POTEE: variants seen among roughly 807,000 people sequenced by gnomAD.
POTEE encodes ANKRD26-like family C member 1A.
Under a neutral mutation model 74.2 loss-of-function variants are expected in POTEE, and 21 were observed. The ratio of observed to expected loss-of-function variants is 0.28; its 90% confidence interval spans 0.20 to 0.41. The LOEUF is 0.41. POTEE is among the 10% of genes least tolerant of loss of function. The pLI is 1.00. For missense variants in POTEE, 525 were observed against 1,158.6 expected (o/e 0.45, Z 7.94); for synonymous variants, 211 against 432.8 (o/e 0.49, Z 6.36).
At chr2:131,230,704 T>C (rs1700925885) in intron 8 of POTEE, 132 bp from the exon 9 acceptor site, 1 of 833,018 alleles carries the variant, frequency 1.2e-6, no homozygotes, top group Non-Finnish European at 1.9e-6. Flanking sequence ...TATTCATAAG[T>C]GGATGGGATA....
chr2:131,224,233 T>G (rs1339962198), intron 6 of POTEE, among the ~76,000 whole-genome samples, 190 bp downstream of exon 6: 1 of 151,542 alleles, frequency 6.6e-6, no homozygotes, highest in Non-Finnish European at 1.5e-5. Context: ...AGGGTACAGT[T>G]TTTTTTTTTT....
rs1189719150 is a variant in POTEE at position 131,209,763 on chromosome 2, T to G, written c.-401T>G. On this transcript the variant is annotated 5_prime_UTR_variant, in exon 1 of 18. Coordinates refer to ENST00000683005, the MANE Select transcript of POTEE (RefSeq NM_001083538.3). ...CCCCTGGGGCTCGCCTTGCTGTGTT[T>G]GGTGGTGACGTGGGACACTGCAGCT... 1.3e-5 allele frequency among the ~76,000 whole-genome samples: 2 copies of G among 152,146 alleles called. No homozygotes were observed. Among genetic ancestry groups the G allele is most frequent in the Non-Finnish European group, 2.9e-5 (2 of 68,026 alleles).
At chr2:131,225,049 G>C (rs1054628816) in intron 6 of POTEE, among the ~76,000 whole-genome samples, 1 of 152,028 alleles carries the variant, frequency 6.6e-6, no homozygotes, top group Non-Finnish European at 1.5e-5. Flanking sequence ...TACTCTTTTT[G>C]GCCAAATCTT....
intron 2 of POTEE, among the ~76,000 whole-genome samples, chr2:131,212,888 T>G (rs1370492461): frequency 2.0e-5 from 3 of 150,956 alleles, no homozygotes; most frequent in Admixed American, 2.0e-4. Flanking sequence ...TCAAGAGTAT[T>G]GCCATCTGCC....
intron 2 of POTEE, among the ~76,000 whole-genome samples, chr2:131,214,720 T>C (rs1349419382): frequency 6.6e-6 from 1 of 152,302 alleles, no homozygotes; most frequent in African/African-American, 2.4e-5. Flanking sequence ...CTTCAAAATT[T>C]ATCCATTTGG....
At chr2:131,231,721 G>T (rs563090639) in intron 9 of POTEE, among the ~76,000 whole-genome samples, 1 of 151,992 alleles carries the variant, frequency 6.6e-6, no homozygotes, top group Non-Finnish European at 1.5e-5. Flanking sequence ...TTTGCCAAAA[G>T]ATTGTCATAA....
chr2:131,222,982 G>T (rs558656014), intron 4 of POTEE, among the ~76,000 whole-genome samples: 1 of 151,668 alleles, frequency 6.6e-6, no homozygotes, highest in African/African-American at 2.4e-5. Context: ...TTTAAATGCC[G>T]CAAATTATAG....
intron 2 of POTEE, among the ~76,000 whole-genome samples, chr2:131,214,455 C>G (rs1326003552): frequency 1.3e-5 from 2 of 152,278 alleles, no homozygotes; most frequent in African/African-American, 2.4e-5. Context: ...TAAATTTAAT[C>G]ATGTCGTAGA....
At chr2:131,216,731 A>G (rs1348745082) in intron 2 of POTEE, among the ~76,000 whole-genome samples, 4 of 151,768 alleles carry the variant, frequency 2.6e-5, no homozygotes, top group African/African-American at 9.7e-5. Context: ...AATGAAAAAG[A>G]AAAACATATT....
At chr2:131,219,351 G>C (rs1289817416) in intron 4 of POTEE, among the ~76,000 whole-genome samples, 3 of 151,302 alleles carry the variant, frequency 2.0e-5, no homozygotes, top group Admixed American at 6.6e-5. Context: ...TCAATGTACA[G>C]TATGTAAATA....
intron 16 of POTEE, among the ~76,000 whole-genome samples, chr2:131,256,820 A>G (rs1476663640): frequency 6.6e-6 from 1 of 151,526 alleles, no homozygotes; most frequent in Non-Finnish European, 1.5e-5. Flanking sequence ...AAAAAGAGAG[A>G]TAATGAGGAC....
intron 1 of POTEE, among the ~76,000 whole-genome samples, 68 bp downstream of exon 1, chr2:131,209,887 G>C (rs1348061394): frequency 6.6e-6 from 1 of 150,734 alleles, no homozygotes; most frequent in Non-Finnish European, 1.5e-5. Context: ...GGGGCTCACT[G>C]CCCGAGGCTG....
At chr2:131,226,608 AGAT>A (rs1398948770) in intron 6 of POTEE, among the ~76,000 whole-genome samples, 1 of 149,896 alleles carries the variant, frequency 6.7e-6, no homozygotes, top group African/African-American at 2.5e-5. Context: ...TGAGTTTTTG[AGAT>A]GATTAGAGTT....
At chr2:131,223,329 A>G (rs1320295097) in intron 4 of POTEE, among the ~76,000 whole-genome samples, 1 of 147,438 alleles carries the variant, frequency 6.8e-6, no homozygotes, top group Non-Finnish European at 1.5e-5. Flanking sequence ...AGCAACAGCC[A>G]GGAAGTGACA....
chr2:131,216,814 A>G, intron 2 of POTEE, among the ~76,000 whole-genome samples: 1 of 151,738 alleles, frequency 6.6e-6, no homozygotes. Flanking sequence ...TAACTATATT[A>G]TTATGATTCC....
intron 8 of POTEE, among the ~76,000 whole-genome samples, chr2:131,228,909 T>C (rs1161600738): frequency 6.9e-6 from 1 of 145,144 alleles, no homozygotes; most frequent in Non-Finnish European, 1.5e-5. Context: ...TTGTGGCCAC[T>C]CAAACTGGTC....
Position 131,255,608 on chromosome 2 carries a change from C to G in POTEE, c.1778+2509C>G, listed in dbSNP as rs1349152007. Among the ~76,000 whole-genome samples the G allele has an allele frequency of 3.0e-3, 77 of 25,734 alleles. 2 individuals carry two copies. Among genetic ancestry groups the G allele is most frequent in the African/African-American group, 8.4e-3 (70 of 8,360 alleles). 16.9% of individuals were successfully genotyped at this position (25,734 alleles called of 152,430 possible). A position where few individuals can be genotyped will look rare whatever the true frequency, so the allele number is the denominator to read the frequency against. ...TTTTTAAGACAGAGTCTCGCTTTGT[C>G]CCCCAGGCTGGAGTTCAGTGGCATG... On this transcript the variant is annotated intron_variant, in intron 16 of 17. Coordinates refer to ENST00000683005, the MANE Select transcript of POTEE (RefSeq NM_001083538.3).
chr2:131,229,930 G>T (rs1700897166), intron 8 of POTEE, among the ~76,000 whole-genome samples: 1 of 151,958 alleles, frequency 6.6e-6, no homozygotes, highest in Admixed American at 6.6e-5. Flanking sequence ...ATGTCAGCTT[G>T]CTACTTCTCT....
intron 13 of POTEE, among the ~76,000 whole-genome samples, chr2:131,248,761 GA>G (rs1165849622): frequency 6.8e-6 from 1 of 146,024 alleles, no homozygotes. Context: ...CTTAGGGAAT[GA>G]TACTCTCCAT....
Sources: allele counts gnomAD v4.1 joint callset (sites outside exome capture counted in the v4.1 genomes callset), GRCh38; gene constraint gnomAD v4.1.1; transcripts MANE v1.5; gene names NCBI Gene and HGNC (gene_info 2026-07-23, HGNC 2026-07-21).